BAALC: variants seen among roughly 807,000 people sequenced by gnomAD.
BAALC encodes BAALC binder of MAP3K1 and KLF4.
In BAALC, 9 loss-of-function variants were observed where a neutral mutation model predicts 15.5. The observed-to-expected ratio is 0.58, with a 90% CI of 0.35 to 1.02. The LOEUF (loss-of-function observed/expected upper bound fraction) is 1.02. Among genes scored for constraint, BAALC ranks in the 50% least tolerant of loss-of-function variants. BAALC has a pLI of 0.02. For missense variants in BAALC, 201 were observed against 192.4 expected (o/e 1.04, Z -0.27); for synonymous variants, 80 against 74.6 (o/e 1.07, Z -0.37).
At chr8:103,184,920 G>A (rs146517456) in intron 1 of BAALC, among the ~76,000 whole-genome samples, 1 of 152,168 alleles carries the variant, frequency 6.6e-6, no homozygotes, top group Non-Finnish European at 1.5e-5. Flanking sequence ...ATCAGTGTGG[G>A]AACTGGGTAA....
intron 1 of BAALC, among the ~76,000 whole-genome samples, chr8:103,168,512 T>A: frequency 1.5e-5 from 1 of 68,846 alleles, no homozygotes; most frequent in Non-Finnish European, 2.9e-5. Flanking sequence ...TATGTGTTTG[T>A]TTTTTTTTTT....
chr8:103,198,109 G>A, intron 1 of BAALC: 1 of 701,786 alleles, frequency 1.4e-6, no homozygotes, highest in African/African-American at 1.7e-5. Context: ...GGTGCCTTGA[G>A]GAACATTACC....
chr8:103,205,810 A>C (rs921052287), intron 1 of BAALC, among the ~76,000 whole-genome samples: 1 of 152,316 alleles, frequency 6.6e-6, no homozygotes, highest in South Asian at 2.1e-4. Flanking sequence ...AGCTTTGGAA[A>C]CATACGGAAC....
At chr8:103,194,106 C>T (rs944538414) in intron 1 of BAALC, among the ~76,000 whole-genome samples, 5 of 152,172 alleles carry the variant, frequency 3.3e-5, no homozygotes, top group African/African-American at 1.2e-4. Context: ...TACTCTCAGA[C>T]TTTCTTATGA....
intron 1 of BAALC, among the ~76,000 whole-genome samples, chr8:103,199,683 G>C (rs1812171483): frequency 6.6e-6 from 1 of 151,666 alleles, no homozygotes; most frequent in Non-Finnish European, 1.5e-5. Context: ...TAAGTTCAGG[G>C]GTACAAGTAT....
At chr8:103,165,480 G>A (rs1811323589) in intron 1 of BAALC, 2 of 152,162 alleles carry the variant, frequency 1.3e-5, no homozygotes, top group African/African-American at 4.8e-5. Flanking sequence ...AAGAAATTAT[G>A]TTCCATTCAT....
intron 1 of BAALC, among the ~76,000 whole-genome samples, chr8:103,147,068 G>A (rs1810894267): frequency 6.6e-6 from 1 of 152,180 alleles, no homozygotes; most frequent in Non-Finnish European, 1.5e-5. Context: ...TTGAATGACT[G>A]TGAAAATGAA....
chr8:103,174,506 G>A (rs1244073284), intron 1 of BAALC, among the ~76,000 whole-genome samples: 4 of 152,182 alleles, frequency 2.6e-5, no homozygotes, highest in Non-Finnish European at 5.9e-5. Flanking sequence ...CCGATTTTCT[G>A]GGCTCAACTT....
chr8:103,149,604 G>T (rs189235039), intron 1 of BAALC, among the ~76,000 whole-genome samples: 1 of 152,092 alleles, frequency 6.6e-6, no homozygotes, highest in African/African-American at 2.4e-5. Context: ...CCGGATGGGG[G>T]GATGGGAAAA....
intron 1 of BAALC, among the ~76,000 whole-genome samples, chr8:103,156,684 T>C (rs2129887218): frequency 6.6e-6 from 1 of 152,346 alleles, no homozygotes; most frequent in Non-Finnish European, 1.5e-5. Context: ...TCACTTACCT[T>C]TCCTTAACTC....
At chr8:103,203,836 A>G (rs1339228067) in intron 1 of BAALC, among the ~76,000 whole-genome samples, 1 of 152,214 alleles carries the variant, frequency 6.6e-6, no homozygotes, top group Non-Finnish European at 1.5e-5. Flanking sequence ...TCATCAATTG[A>G]TGGATATTCG....
intron 1 of BAALC, among the ~76,000 whole-genome samples, chr8:103,145,165 CAATTGTCTTCTGCATCATCTCT>C (rs1420674643): frequency 6.6e-6 from 1 of 152,224 alleles, no homozygotes; most frequent in Non-Finnish European, 1.5e-5. Context: ...TCAGACAGCA[CAATTGTCTTCTGCATCATCTCT>C]AAGGATGGAA....
chr8:103,228,883 T>G lies in BAALC; in HGVS notation c.*784T>G, dbSNP rs781443067. The stretch of plus-strand genomic sequence containing the variant: ...AGGGCTCAGCTAGACATTGCAATTT[T>G]GCATAGCTTTCCAGTTCCCTTTGCT... On this transcript the variant is annotated 3_prime_UTR_variant, in exon 3 of 3. Transcript: ENST00000309982. 6.6e-6 allele frequency: 1 copy of G among 152,316 alleles called. No homozygotes were observed. The highest frequency in any genetic ancestry group is 1.5e-5 in the Non-Finnish European group (1 of 68,094). The allele number at this position is 152,316 out of a possible 1,614,324, so 9.4% of individuals were successfully genotyped here. A position where few individuals can be genotyped will look rare whatever the true frequency, so the allele number is the denominator to read the frequency against.
At chr8:103,181,147 A>G (rs1234514460) in intron 1 of BAALC, among the ~76,000 whole-genome samples, 1 of 151,904 alleles carries the variant, frequency 6.6e-6, no homozygotes, top group Non-Finnish European at 1.5e-5. Context: ...CCTTCCTGCC[A>G]CTCCCCAGAG....
intron 1 of BAALC, among the ~76,000 whole-genome samples, chr8:103,178,620 A>T (rs1811654359): frequency 6.6e-6 from 1 of 152,206 alleles, no homozygotes; most frequent in Non-Finnish European, 1.5e-5. Context: ...GCACTTTGGG[A>T]GGCTGAGGTG....
At chr8:103,201,263 G>A (rs984904099) in intron 1 of BAALC, among the ~76,000 whole-genome samples, 10 of 152,154 alleles carry the variant, frequency 6.6e-5, no homozygotes, top group Admixed American at 1.3e-4. Context: ...AACTCTTCCT[G>A]AGTAAATCAG....
At chr8:103,197,248 T>C (rs1351044331) in intron 1 of BAALC, among the ~76,000 whole-genome samples, 1 of 152,168 alleles carries the variant, frequency 6.6e-6, no homozygotes, top group African/African-American at 2.4e-5. Flanking sequence ...TTTTAGAGTC[T>C]GGCAGATCTG....
At chr8:103,162,977 C>T (rs917083442) in intron 1 of BAALC, among the ~76,000 whole-genome samples, 2 of 152,162 alleles carry the variant, frequency 1.3e-5, no homozygotes, top group Non-Finnish European at 2.9e-5. Context: ...GCACATGTTA[C>T]AGGGAATTTC....
intron 1 of BAALC, 160 bp downstream of exon 1, chr8:103,141,217 G>A: frequency 1.2e-6 from 1 of 814,788 alleles, no homozygotes. Flanking sequence ...GTGGACAGAT[G>A]CAAGCCCAGG....
Sources: allele counts gnomAD v4.1 joint callset (sites outside exome capture counted in the v4.1 genomes callset), GRCh38; gene constraint gnomAD v4.1.1; transcripts MANE v1.5; gene names NCBI Gene and HGNC (gene_info 2026-07-23, HGNC 2026-07-21).